The following ZNRF1 variants were observed in gnomAD, a reference collection of about 807,000 sequenced individuals.
ZNRF1 encodes the protein E3 ubiquitin-protein ligase ZNRF1.
Under a neutral mutation model 18.4 loss-of-function variants are expected in ZNRF1, and 3 were observed. The ratio of observed to expected loss-of-function variants is 0.16; its 90% confidence interval spans 0.07 to 0.42. The LOEUF is 0.42. ZNRF1 is among the 10% of genes least tolerant of loss of function. ZNRF1 has a pLI of 0.99. For synonymous variants in ZNRF1, 157 were observed against 144.2 expected, an observed-to-expected ratio of 1.09 and a Z score of -0.64; for missense variants, 310 against 329.8, an observed-to-expected ratio of 0.94 and a Z score of 0.47.
chr16:75,055,788 C>T (rs1261271705), intron 1 of ZNRF1, among the ~76,000 whole-genome samples: 2 of 152,204 alleles, frequency 1.3e-5, no homozygotes, highest in Non-Finnish European at 2.9e-5. Context: ...CATAAACACT[C>T]AGTCTTGTGG....
intron 1 of ZNRF1, among the ~76,000 whole-genome samples, chr16:75,069,486 T>C (rs144531628): frequency 6.6e-6 from 1 of 152,336 alleles, no homozygotes; most frequent in African/African-American, 2.4e-5. Context: ...CGATCTCGGC[T>C]CACTGCAACC....
At chr16:75,062,654 G>A (rs2035757900) in intron 1 of ZNRF1, among the ~76,000 whole-genome samples, 1 of 152,216 alleles carries the variant, frequency 6.6e-6, no homozygotes, top group African/African-American at 2.4e-5. Context: ...AGTCTTTCAT[G>A]ACTTTGTGAG....
intron 1 of ZNRF1, among the ~76,000 whole-genome samples, chr16:75,086,726 G>C (rs2036079070): frequency 6.6e-6 from 1 of 152,168 alleles, no homozygotes; most frequent in Non-Finnish European, 1.5e-5. Context: ...ATTGAGGCTG[G>C]AAACTAAGAA....
chr16:75,101,608 A>G (rs543740878), intron 2 of ZNRF1, among the ~76,000 whole-genome samples: 1 of 152,292 alleles, frequency 6.6e-6, no homozygotes, highest in East Asian at 1.9e-4. Context: ...TCTGCAGTGT[A>G]CTAGACCCGT....
intron 1 of ZNRF1, among the ~76,000 whole-genome samples, chr16:75,002,123 A>C (rs890731708): frequency 6.6e-6 from 1 of 152,230 alleles, no homozygotes; most frequent in African/African-American, 2.4e-5. Flanking sequence ...AATGTCCCCA[A>C]GAATTCCCAA....
chr16:75,107,024 C>T, intron 4 of ZNRF1: 1 of 182,638 alleles, frequency 5.5e-6, no homozygotes, highest in Non-Finnish European at 1.2e-5. Context: ...CAGCCATGGG[C>T]AGTGCATTGT....
At position 75,006,873 on chromosome 16, in the gene ZNRF1, A is replaced by G. The variant is rs576288541; in HGVS notation, c.424+6778A>G. Among the ~76,000 whole-genome samples the G allele has an allele frequency of 3.9e-4, 60 of 152,240 alleles. 1 individual carries two copies. The highest frequency in any genetic ancestry group is 2.3e-3 in the South Asian group (11 of 4,824). On this transcript the variant is annotated intron_variant, in intron 1 of 4. Coordinates refer to ENST00000335325, the MANE Select transcript of ZNRF1 (RefSeq NM_032268.5). Reference sequence around the variant, plus strand: ...TCTTGAGTGTGAGAAGGGGATTCTTAGAGACCCAGCAGTTTTCACTTCTGA... The same window carrying G: ...TCTTGAGTGTGAGAAGGGGATTCTTGGAGACCCAGCAGTTTTCACTTCTGA...
intron 1 of ZNRF1, among the ~76,000 whole-genome samples, chr16:75,008,999 A>G: frequency 6.6e-6 from 1 of 152,198 alleles, no homozygotes. Flanking sequence ...TGAGAATATC[A>G]AAAGAAAAAC....
At chr16:75,036,432 G>T (rs1377713694) in intron 1 of ZNRF1, among the ~76,000 whole-genome samples, 2 of 152,136 alleles carry the variant, frequency 1.3e-5, no homozygotes, top group Non-Finnish European at 2.9e-5. Flanking sequence ...CACCGGGCTT[G>T]ATGTTGCTTT....
At chr16:75,007,864 T>C (rs1188256684) in intron 1 of ZNRF1, among the ~76,000 whole-genome samples, 1 of 152,120 alleles carries the variant, frequency 6.6e-6, no homozygotes, top group Non-Finnish European at 1.5e-5. Context: ...TTATTTGTTT[T>C]TTCTTCTTAT....
In ZNRF1 at chr16:75,068,884, T is replaced by C. The variant is rs996967097; in HGVS notation, c.425-24688T>C. ...TTACTTGTCTGAGTCTTTTTTTTTT[T>C]CTCCCTCTTCTGTGAAATGGGCCAG... On this transcript the variant is annotated intron_variant, in intron 1 of 4. Transcript: ENST00000335325. Among the ~76,000 whole-genome samples the C allele has an allele frequency of 7.2e-5, 11 of 151,994 alleles. 2 individuals carry two copies. Among genetic ancestry groups the C allele is most frequent in the East Asian group, 3.9e-4 (2 of 5,176 alleles).
intron 1 of ZNRF1, among the ~76,000 whole-genome samples, chr16:75,092,393 T>C (rs2036150179): frequency 6.6e-6 from 1 of 152,088 alleles, no homozygotes; most frequent in Admixed American, 6.6e-5. Context: ...TGTGCCACAT[T>C]AGGAAGTCCA....
chr16:75,089,184 C>T lies in ZNRF1; in HGVS notation c.425-4388C>T, dbSNP rs190385893. 4.2e-3 allele frequency among the ~76,000 whole-genome samples: 636 copies of T among 152,256 alleles called. 18 individuals carry two copies. Among genetic ancestry groups the T allele is most frequent in the Admixed American group, 0.039 (593 of 15,294 alleles). On this transcript the variant is annotated intron_variant, in intron 1 of 4. Coordinates refer to ENST00000335325, the MANE Select transcript of ZNRF1 (RefSeq NM_032268.5). Reference sequence around the variant, plus strand: ...GTGGCATGATCATGGCTCACTGCAGCCTCAACCTCCTGGGCTCAAGCGATC... The same window carrying T: ...GTGGCATGATCATGGCTCACTGCAGTCTCAACCTCCTGGGCTCAAGCGATC...
At chr16:75,054,772 G>A (rs1004433647) in intron 1 of ZNRF1, among the ~76,000 whole-genome samples, 6 of 152,204 alleles carry the variant, frequency 3.9e-5, no homozygotes, top group African/African-American at 7.2e-5. Flanking sequence ...ACCTATTCAC[G>A]TGGAGCGTGG....
chr16:75,030,055 G>C (rs1394093610), intron 1 of ZNRF1, among the ~76,000 whole-genome samples: 1 of 112,762 alleles, frequency 8.9e-6, no homozygotes, highest in Non-Finnish European at 1.7e-5. Flanking sequence ...AGAGCAAGAT[G>C]CTATCTCAAA....
intron 1 of ZNRF1, among the ~76,000 whole-genome samples, chr16:75,089,590 C>T (rs563057957): frequency 1.3e-5 from 2 of 152,190 alleles, no homozygotes; most frequent in Non-Finnish European, 2.9e-5. Context: ...ACTCTCCCTA[C>T]CCTGACGGAA....
intron 1 of ZNRF1, among the ~76,000 whole-genome samples, chr16:75,091,989 A>T (rs2036145861): frequency 6.6e-6 from 1 of 152,070 alleles, no homozygotes; most frequent in Non-Finnish European, 1.5e-5. Context: ...GAGAAAATAA[A>T]ATGTTATTAA....
chr16:75,070,987 T>C (rs77044665), intron 1 of ZNRF1, among the ~76,000 whole-genome samples: 8,811 of 152,298 alleles, frequency 0.058, 330 homozygotes, highest in East Asian at 0.15. Flanking sequence ...CTATTTATTA[T>C]GCCCATGGAC....
chr16:75,077,644 C>G (rs758830141), intron 1 of ZNRF1, among the ~76,000 whole-genome samples: 2 of 152,200 alleles, frequency 1.3e-5, no homozygotes, highest in African/African-American at 2.4e-5. Context: ...TTTGACAACA[C>G]AAATGTATTT....
Sources: allele counts gnomAD v4.1 joint callset (sites outside exome capture counted in the v4.1 genomes callset), GRCh38; gene constraint gnomAD v4.1.1; transcripts MANE v1.5; gene names NCBI Gene and HGNC (gene_info 2026-07-23, HGNC 2026-07-21).